Variants in CWF19L2 observed in about 807,000 individuals in gnomAD.
The protein encoded by CWF19L2 is CWF19-like protein 2.
Under a neutral mutation model 111.7 loss-of-function variants are expected in CWF19L2, and 98 were observed. The observed-to-expected ratio is 0.88, with a 90% CI of 0.75 to 1.04. The LOEUF (loss-of-function observed/expected upper bound fraction) is 1.04, where lower values mean the gene tolerates loss of function less well. Among genes scored for constraint, CWF19L2 ranks in the 50% least tolerant of loss-of-function variants. The probability of loss-of-function intolerance (pLI) is 0.00; values close to 1 mark genes in which losing one functional copy is unlikely to be tolerated. For synonymous variants in CWF19L2, 351 were observed against 342.9 expected (o/e 1.02, Z -0.26); for missense variants, 1,101 against 1,051.4 (o/e 1.05, Z -0.65).
chr11:107,402,873 G>GTGTGTGTGTATATATATATATATATA (rs1247886311), intron 10 of CWF19L2, among the ~76,000 whole-genome samples: 1 of 94,466 alleles, frequency 1.1e-5, no homozygotes, highest in African/African-American at 4.8e-5. Context: ...ACTGTGGTGT[G>GTGTGTGTGTATATATATATATATATA]TATATATATA....
At chr11:107,353,760 TAGAG>T (rs1343919196) in intron 12 of CWF19L2, 24 bp from the exon 13 acceptor site, 1 of 1,582,678 alleles carries the variant, frequency 6.3e-7, no homozygotes, top group Admixed American at 1.7e-5. Flanking sequence ...ATAACAGTAA[TAGAG>T]AGTAGAAGGT....
In CWF19L2 at chr11:107,403,362, TA is replaced by T. The variant is rs1441096567; in HGVS notation, c.1618-10468del. On this transcript the variant is annotated intron_variant, in intron 10 of 17. Transcript: ENST00000282251. ...AAAAACCAAAAAACTTTTTTTCATT[TA>T]AAAAACTATTTAGAACACATAAAAC... 3 of 598,538 alleles carry T rather than the reference TA, an allele frequency of 5.0e-6. No homozygotes were observed. The Admixed American group carries it at 7.4e-5, about 15-fold the overall frequency. 37.1% of individuals were successfully genotyped at this position (598,538 alleles called of 1,614,324 possible).
intron 12 of CWF19L2, among the ~76,000 whole-genome samples, chr11:107,362,614 T>C (rs1268119482): frequency 2.0e-5 from 3 of 150,322 alleles, no homozygotes; most frequent in Admixed American, 6.6e-5. Flanking sequence ...CTGAGGGTCC[T>C]GTCTGTTAGA....
intron 3 of CWF19L2, among the ~76,000 whole-genome samples, chr11:107,448,526 T>A (rs1444607109): frequency 6.6e-6 from 1 of 151,068 alleles, no homozygotes; most frequent in Non-Finnish European, 1.5e-5. Flanking sequence ...AAAAAAAAAA[T>A]ACTTCGAAAA....
At chr11:107,393,696 T>C (rs1860881402) in intron 10 of CWF19L2, among the ~76,000 whole-genome samples, 1 of 152,288 alleles carries the variant, frequency 6.6e-6, no homozygotes, top group East Asian at 1.9e-4. Context: ...CATGGAATAC[T>C]ACACAATCAC....
rs1859764104 is a variant in CWF19L2, at chr11:107,326,600, T to C, written c.*310A>G. On this transcript the variant is annotated 3_prime_UTR_variant, in exon 18 of 18. Coordinates refer to ENST00000282251, the MANE Select transcript of CWF19L2 (RefSeq NM_152434.3). ...AAGGATTTCCTATGCTTTTTAGATA[T>C]CCCTTCAGAAAAGGCCTTCTCTAAA... is the stretch of plus-strand genomic sequence containing the variant. 2 of 215,162 alleles carry C rather than the reference T, an allele frequency of 9.3e-6. No individual in the cohort carries two copies. The highest frequency in any genetic ancestry group is 9.8e-5 in the East Asian group (1 of 10,214). The allele number at this position is 215,162 out of a possible 1,614,324, so 13.3% of individuals were successfully genotyped here.
chr11:107,336,677 T>C lies in CWF19L2; in HGVS notation c.2239A>G (p.Lys747Glu), dbSNP rs752851548. Reference sequence around the variant, plus strand: ...TCCAAAAAAATGCAGTCTAATCCTTTATCTTCAAACATCTTTACCAATGAT... The same window carrying C: ...TCCAAAAAAATGCAGTCTAATCCTTCATCTTCAAACATCTTTACCAATGAT... ...RKSLVKMFED[K>E]GLDCIFLETN... The change falls in exon 15 of 18, where the codon AAA (lysine) becomes GAA (glutamate). Residue 747 changes from lysine to glutamate, a missense_variant. By Grantham distance (56) the Lys-to-Glu change is moderately conservative. Transcript: ENST00000282251. The C allele has an allele frequency of 3.9e-6, 6 of 1,545,262 alleles. No homozygotes were observed. The East Asian group carries it at 1.1e-4, about 30-fold the overall frequency.
At chr11:107,404,229 C>T (rs1248299218) in intron 10 of CWF19L2, 1 of 777,536 alleles carries the variant, frequency 1.3e-6, no homozygotes, top group African/African-American at 1.7e-5. Flanking sequence ...ACTCTTTCTG[C>T]TTCGTATCCA....
At chr11:107,438,768 G>A (rs899122708) in intron 6 of CWF19L2, among the ~76,000 whole-genome samples, 1 of 152,166 alleles carries the variant, frequency 6.6e-6, no homozygotes, top group African/African-American at 2.4e-5. Context: ...CCTGAGGCCA[G>A]GCGCAGTAGC....
At chr11:107,332,411 T>C (rs1859862742) in intron 16 of CWF19L2, among the ~76,000 whole-genome samples, 2 of 152,008 alleles carry the variant, frequency 1.3e-5, no homozygotes, top group South Asian at 2.1e-4. Context: ...AGAAAGCAAA[T>C]GGGCCAAAGA....
At chr11:107,333,711 T>C (rs767999727) in intron 16 of CWF19L2, among the ~76,000 whole-genome samples, 2 of 152,188 alleles carry the variant, frequency 1.3e-5, no homozygotes, top group Non-Finnish European at 2.9e-5. Context: ...TAAAACTATG[T>C]ATCTTGAATA....
chr11:107,409,272 G>A (rs1861124767), intron 10 of CWF19L2, among the ~76,000 whole-genome samples: 1 of 151,990 alleles, frequency 6.6e-6, no homozygotes, highest in Admixed American at 6.6e-5. Context: ...AACTAGTCAA[G>A]TACCTGATTT....
intron 10 of CWF19L2, among the ~76,000 whole-genome samples, chr11:107,402,847 A>C: frequency 7.3e-6 from 1 of 137,532 alleles, no homozygotes; most frequent in African/African-American, 2.8e-5. Flanking sequence ...CCATCAATCA[A>C]CGAGTGGATA....
In CWF19L2 at chr11:107,390,187, T is replaced by C. The variant is rs781632050; in HGVS notation, c.1759A>G (p.Arg587Gly). Residue 587 changes from arginine (R) to glycine (G), a missense_variant, in exon 12 of 18, where the codon AGG becomes GGG. By Grantham distance (125) the Arg-to-Gly change is moderately radical. Coordinates refer to ENST00000282251, the MANE Select transcript of CWF19L2 (RefSeq NM_152434.3). ...QMVSTHEERE[R>G]VRYFHDDDNL... ...TCATCATCATGAAAGTATCTGACCCTTTCTCTTTCCTCATGGGTTGAAACC... is the reference window on the plus strand; with the variant it reads ...TCATCATCATGAAAGTATCTGACCCCTTCTCTTTCCTCATGGGTTGAAACC... The C allele has an allele frequency of 1.3e-5, 21 of 1,609,418 alleles. No individual in the cohort carries two copies. The highest frequency in any genetic ancestry group is 3.4e-5 in the Admixed American group (2 of 59,578).
chr11:107,363,251 G>A lies in CWF19L2; in HGVS notation c.1873-9515C>T, dbSNP rs535744846. Reference sequence around the variant, plus strand: ...GGAACCAAGTTGGAAAACACTCTGCGGGATATTATCCAGGAGAACTTCCCC... The same window carrying A: ...GGAACCAAGTTGGAAAACACTCTGCAGGATATTATCCAGGAGAACTTCCCC... On this transcript the variant is annotated intron_variant, in intron 12 of 17. Coordinates refer to ENST00000282251, the MANE Select transcript of CWF19L2 (RefSeq NM_152434.3). Among the ~76,000 whole-genome samples the A allele has an allele frequency of 7.1e-3, 1,079 of 152,082 alleles. 15 individuals carry two copies. Among genetic ancestry groups the A allele is most frequent in the Middle Eastern group, 0.014 (4 of 294 alleles).
At chr11:107,369,749 T>C (rs1338960928) in intron 12 of CWF19L2, among the ~76,000 whole-genome samples, 2 of 138,496 alleles carry the variant, frequency 1.4e-5, no homozygotes, top group Non-Finnish European at 3.1e-5. Flanking sequence ...AAAGTGGAAC[T>C]AGAGCCAACT....
intron 3 of CWF19L2, among the ~76,000 whole-genome samples, chr11:107,443,349 G>A (rs923564057): frequency 2.0e-5 from 3 of 152,026 alleles, no homozygotes; most frequent in African/African-American, 7.3e-5. Context: ...CAAGCGTGGT[G>A]GCGCATGCCT....
chr11:107,359,590 C>T (rs1007022411), intron 12 of CWF19L2, among the ~76,000 whole-genome samples: 3 of 152,072 alleles, frequency 2.0e-5, no homozygotes, highest in Admixed American at 6.5e-5. Context: ...ACTTTAGACT[C>T]TACCGGTCTA....
At chr11:107,378,607 G>A (rs1031511926) in intron 12 of CWF19L2, among the ~76,000 whole-genome samples, 1 of 152,138 alleles carries the variant, frequency 6.6e-6, no homozygotes, top group Admixed American at 6.5e-5. Flanking sequence ...TCACATTCTG[G>A]GGACTGTTGT....
Sources: allele counts gnomAD v4.1 joint callset (sites outside exome capture counted in the v4.1 genomes callset), GRCh38; gene constraint gnomAD v4.1.1; transcripts MANE v1.5; gene names NCBI Gene and HGNC (gene_info 2026-07-23, HGNC 2026-07-21).